ARHGAP42: variants seen among roughly 807,000 people sequenced by gnomAD.
ARHGAP42 encodes the protein Rho GTPase activating protein 42, also known as rho GTPase-activating protein 42.
ARHGAP42 carries 63 observed loss-of-function variants against 125.0 expected under a neutral mutation model. The observed-to-expected ratio is 0.50, with a 90% CI of 0.41 to 0.62. The LOEUF is 0.62. ARHGAP42 is among the 20% of genes least tolerant of loss of function. ARHGAP42 has a pLI of 0.00. For synonymous variants in ARHGAP42, 339 were observed against 351.0 expected, an observed-to-expected ratio of 0.97 and a Z score of 0.38; for missense variants, 766 against 1,024.2, an observed-to-expected ratio of 0.75 and a Z score of 3.44.
At chr11:100,703,305 A>G (rs1191913145) in intron 1 of ARHGAP42, among the ~76,000 whole-genome samples, 1 of 152,214 alleles carries the variant, frequency 6.6e-6, no homozygotes, top group African/African-American at 2.4e-5. Context: ...TCAAAAATGA[A>G]AATAGCATTT....
At chr11:100,927,136 C>G (rs373364497) in intron 6 of ARHGAP42, among the ~76,000 whole-genome samples, 4 of 152,052 alleles carry the variant, frequency 2.6e-5, no homozygotes, top group Non-Finnish European at 4.4e-5. Context: ...ATTATCAAGA[C>G]GTATACTATA....
chr11:100,794,939 G>T (rs1318891401), intron 2 of ARHGAP42, among the ~76,000 whole-genome samples, 166 bp from the exon 3 acceptor site: 1 of 151,720 alleles, frequency 6.6e-6, no homozygotes, highest in Non-Finnish European at 1.5e-5. Flanking sequence ...TTGTTTTATG[G>T]TTATACAAAC....
At chr11:100,767,536 A>G (rs978197803) in intron 1 of ARHGAP42, among the ~76,000 whole-genome samples, 10 of 152,160 alleles carry the variant, frequency 6.6e-5, no homozygotes. Flanking sequence ...GTACGAGGCC[A>G]TAGGAAGTCA....
At chr11:100,738,544 A>G (rs1311210229) in intron 1 of ARHGAP42, 1 of 152,206 alleles carries the variant, frequency 6.6e-6, no homozygotes, top group African/African-American at 2.4e-5. Flanking sequence ...TCATTTTGCA[A>G]TTCCATCAAA....
intron 1 of ARHGAP42, among the ~76,000 whole-genome samples, chr11:100,742,307 G>A (rs1259017850): frequency 6.6e-6 from 1 of 152,128 alleles, no homozygotes; most frequent in African/African-American, 2.4e-5. Flanking sequence ...TTTGAAATAG[G>A]GAGATGATGC....
intron 17 of ARHGAP42, among the ~76,000 whole-genome samples, chr11:100,968,138 G>T (rs570279138): frequency 6.6e-6 from 1 of 152,206 alleles, no homozygotes; most frequent in Admixed American, 6.6e-5. Context: ...GTTACTGTTT[G>T]CATGATACAT....
At chr11:100,861,197 A>G (rs1490149979) in intron 4 of ARHGAP42, among the ~76,000 whole-genome samples, 8 of 152,216 alleles carry the variant, frequency 5.3e-5, no homozygotes, top group Non-Finnish European at 1.0e-4. Context: ...AGGGAAAAAA[A>G]CTTACAAATA....
chr11:100,892,222 T>C (rs190773361), intron 4 of ARHGAP42, among the ~76,000 whole-genome samples: 3 of 152,310 alleles, frequency 2.0e-5, no homozygotes, highest in African/African-American at 4.8e-5. Context: ...AAAATATGGA[T>C]AATGAATAGG....
intron 16 of ARHGAP42, 95 bp from the exon 17 acceptor site, chr11:100,965,576 G>T: frequency 1.0e-6 from 1 of 991,110 alleles, no homozygotes; most frequent in Non-Finnish European, 1.6e-6. Context: ...AGGCATGAGG[G>T]GTAGGAGTGG....
intron 11 of ARHGAP42, 93 bp from the exon 12 acceptor site, chr11:100,949,824 C>G (rs11820715): frequency 0.25 from 196,245 of 775,156 alleles, 27,549 homozygotes; most frequent in Middle Eastern, 0.31. Flanking sequence ...TCAAGACACT[C>G]TTTTCATCTA....
At chr11:100,881,491 T>C (rs1003431210) in intron 4 of ARHGAP42, among the ~76,000 whole-genome samples, 1 of 152,218 alleles carries the variant, frequency 6.6e-6, no homozygotes, top group African/African-American at 2.4e-5. Flanking sequence ...CCTTACAGTA[T>C]AGTTTGAAAT....
At chr11:100,766,099 C>G (rs917577846) in intron 1 of ARHGAP42, among the ~76,000 whole-genome samples, 3 of 152,270 alleles carry the variant, frequency 2.0e-5, no homozygotes, top group Middle Eastern at 3.4e-3. Flanking sequence ...GAGGTTAACT[C>G]TTCCATATGA....
chr11:100,930,563 G>C (rs1867547264), intron 6 of ARHGAP42, among the ~76,000 whole-genome samples: 1 of 152,170 alleles, frequency 6.6e-6, no homozygotes, highest in South Asian at 2.1e-4. Context: ...CTGCTACTAA[G>C]TGAATCTGAA....
intron 3 of ARHGAP42, among the ~76,000 whole-genome samples, chr11:100,857,830 C>T (rs908270544): frequency 6.6e-6 from 1 of 152,052 alleles, no homozygotes; most frequent in African/African-American, 2.4e-5. Context: ...ACTACAGAAA[C>T]CCGTCCTCGT....
In ARHGAP42 at chr11:100,771,729, G is replaced by A. The variant is rs369308492; in HGVS notation, c.250+1291G>A. On this transcript the variant is annotated intron_variant, in intron 2 of 23. Coordinates refer to ENST00000298815, the MANE Select transcript of ARHGAP42 (RefSeq NM_152432.4). ...TTCTCCTGCCTCAGCCTCCCAAGTA[G>A]ATGGGACTACAGGCACCCGCCACCA... Among the ~76,000 whole-genome samples the A allele has an allele frequency of 3.9e-5, 6 of 151,952 alleles. No individual in the cohort carries two copies. In the East Asian group the frequency reaches 7.7e-4, roughly 20 times the overall value.
chr11:100,793,231 T>C (rs1863614745), intron 2 of ARHGAP42, among the ~76,000 whole-genome samples: 1 of 152,194 alleles, frequency 6.6e-6, no homozygotes. Flanking sequence ...CCTACCAGAA[T>C]GATGGAATAC....
At chr11:100,831,275 C>T (rs904482249) in intron 3 of ARHGAP42, among the ~76,000 whole-genome samples, 1 of 152,072 alleles carries the variant, frequency 6.6e-6, no homozygotes, top group Non-Finnish European at 1.5e-5. Context: ...TCAGTATCCT[C>T]ATAAACATCA....
chr11:100,932,501 TA>T (rs1181596850), intron 6 of ARHGAP42, among the ~76,000 whole-genome samples: 1 of 152,148 alleles, frequency 6.6e-6, no homozygotes, highest in African/African-American at 2.4e-5. Flanking sequence ...AAAACATAAA[TA>T]CACATATGAA....
chr11:100,886,489 T>A (rs1366921110), intron 4 of ARHGAP42, among the ~76,000 whole-genome samples: 3 of 152,226 alleles, frequency 2.0e-5, no homozygotes, highest in African/African-American at 7.2e-5. Context: ...TTTAGAAAGA[T>A]CTTCCCTTTT....
Sources: gnomAD v4.1 joint callset for allele counts (sites outside exome capture counted in the v4.1 genomes callset) on GRCh38, gnomAD v4.1.1 for gene constraint, MANE v1.5 for transcripts, NCBI Gene and HGNC (gene_info 2026-07-23, HGNC 2026-07-21) for gene names.